The following PCDH11X variants were observed in gnomAD, a reference collection of about 807,000 sequenced individuals.
The protein encoded by PCDH11X is protocadherin 11 X-linked.
A neutral mutation model predicts 53.3 loss-of-function variants in PCDH11X; 18 were observed. That is an observed-to-expected ratio of 0.34 (90% CI 0.23 to 0.50). The LOEUF (loss-of-function observed/expected upper bound fraction) is 0.50. Among genes scored for constraint, PCDH11X ranks in the 20% least tolerant of loss-of-function variants. PCDH11X has a pLI of 0.98. For missense variants in PCDH11X, 570 were observed against 1,032.4 expected (o/e 0.55, Z 6.14); for synonymous variants, 279 against 393.3 (o/e 0.71, Z 3.44).
At chrX:91,837,429 G>A (rs1937344024) in intron 5 of PCDH11X, among the ~76,000 whole-genome samples, 1 of 111,359 alleles carries the variant, frequency 9.0e-6, no homozygotes, top group Admixed American at 9.6e-5. Flanking sequence ...GCACTTTGGG[G>A]TGAAGTTCCT....
At chrX:92,335,337 T>C (rs2069592272) in intron 8 of PCDH11X, among the ~76,000 whole-genome samples, 1 of 111,131 alleles carries the variant, frequency 9.0e-6, no homozygotes, top group South Asian at 3.8e-4. Flanking sequence ...GAGATTGCTT[T>C]TTTTATTTCA....
At chrX:92,309,139 T>A (rs1347237751) in intron 8 of PCDH11X, among the ~76,000 whole-genome samples, 1 of 112,077 alleles carries the variant, frequency 8.9e-6, no homozygotes, top group Non-Finnish European at 1.9e-5. Context: ...CACTTCTGGG[T>A]ATAAATGCTA....
intron 6 of PCDH11X, among the ~76,000 whole-genome samples, chrX:91,916,822 G>A (rs1941580264): frequency 9.1e-6 from 1 of 110,463 alleles, no homozygotes; most frequent in South Asian, 3.8e-4. Flanking sequence ...TCTATGAAGT[G>A]TCACCCTAAT....
At chrX:92,394,897 A>G (rs1374054139) in intron 9 of PCDH11X, among the ~76,000 whole-genome samples, 1 of 111,864 alleles carries the variant, frequency 8.9e-6, no homozygotes, top group South Asian at 3.7e-4. Flanking sequence ...TCATCAACAG[A>G]ACATTCAACA....
At chrX:92,384,353 G>A (rs1309738481) in intron 8 of PCDH11X, among the ~76,000 whole-genome samples, 2 of 110,827 alleles carry the variant, frequency 1.8e-5, no homozygotes, top group Non-Finnish European at 3.8e-5. Flanking sequence ...GATCCAACAA[G>A]CTATTGACAA....
intron 6 of PCDH11X, among the ~76,000 whole-genome samples, chrX:92,196,210 A>T (rs190531189): frequency 3.3e-3 from 373 of 111,987 alleles, no homozygotes; most frequent in Non-Finnish European, 5.7e-3. Context: ...GTCTCCACCT[A>T]AAAAAATTTC....
At chrX:92,319,252 T>C (rs1038797344) in intron 8 of PCDH11X, among the ~76,000 whole-genome samples, 9 of 112,037 alleles carry the variant, frequency 8.0e-5, no homozygotes, top group Non-Finnish European at 1.7e-4. Flanking sequence ...GGAATTCATC[T>C]TCCTCTATCA....
chrX:92,077,622 G>A (rs764916130), intron 6 of PCDH11X, among the ~76,000 whole-genome samples: 4,256 of 96,218 alleles, frequency 0.044, 242 homozygotes, highest in Middle Eastern at 0.097. Flanking sequence ...GGAAGGAAGG[G>A]AGGAAGGAAG....
chrX:92,481,469 C>T lies in PCDH11X; in HGVS notation c.3367+13147C>T, dbSNP rs1185852381. Among the ~76,000 whole-genome samples the T allele has an allele frequency of 7.2e-5, 8 of 110,763 alleles. No homozygotes were observed. In the South Asian group the frequency reaches 2.7e-3, roughly 38 times the overall value. ...CTAGTGCATGGCCATGGGCTTTGCT[C>T]TGCTGGAGCTCTCTGCCAGTGTGGT... On this transcript the variant is annotated intron_variant, in intron 10 of 10. Coordinates refer to ENST00000682573, the MANE Select transcript of PCDH11X (RefSeq NM_032968.5).
intron 4 of PCDH11X, among the ~76,000 whole-genome samples, chrX:91,832,193 T>G (rs899595278): frequency 3.9e-5 from 4 of 103,111 alleles, no homozygotes; most frequent in African/African-American, 1.4e-4. Context: ...CACACGCACA[T>G]GTATGTTTAT....
intron 6 of PCDH11X, among the ~76,000 whole-genome samples, chrX:92,086,035 A>T (rs2063944496): frequency 8.9e-6 from 1 of 112,040 alleles, no homozygotes; most frequent in African/African-American, 3.2e-5. Context: ...TGAATATTTT[A>T]GGCATATTGG....
intron 10 of PCDH11X, among the ~76,000 whole-genome samples, chrX:92,489,471 C>T (rs898044205): frequency 1.8e-4 from 20 of 110,109 alleles, no homozygotes; most frequent in Non-Finnish European, 3.6e-4. Context: ...TTTATTTATC[C>T]GTTATCTCTT....
intron 6 of PCDH11X, among the ~76,000 whole-genome samples, chrX:91,904,809 A>C (rs1271959236): frequency 1.8e-5 from 2 of 110,220 alleles, no homozygotes; most frequent in Non-Finnish European, 3.8e-5. Context: ...AACAAACTAT[A>C]ATGAACCTTC....
chrX:92,516,477 A>C (rs2074271239), intron 10 of PCDH11X, among the ~76,000 whole-genome samples: 1 of 112,122 alleles, frequency 8.9e-6, no homozygotes, highest in Admixed American at 9.5e-5. Flanking sequence ...TAACGGAAAA[A>C]AGTATTTTGA....
At chrX:92,272,256 T>C (rs2148428384) in intron 8 of PCDH11X, among the ~76,000 whole-genome samples, 1 of 112,106 alleles carries the variant, frequency 8.9e-6, no homozygotes, top group African/African-American at 3.2e-5. Flanking sequence ...CTCTGATTTA[T>C]AAATCTCATA....
At chrX:92,295,096 A>G (rs1188159408) in intron 8 of PCDH11X, among the ~76,000 whole-genome samples, 1 of 102,407 alleles carries the variant, frequency 9.8e-6, no homozygotes, top group African/African-American at 3.6e-5. Flanking sequence ...ACTGAAACCA[A>G]AAGTATTGAG....
At chrX:92,110,217 A>G (rs2064473766) in intron 6 of PCDH11X, among the ~76,000 whole-genome samples, 3 of 111,691 alleles carry the variant, frequency 2.7e-5, no homozygotes, top group South Asian at 7.4e-4. Context: ...TTTGTATTGT[A>G]TAGACTAAGT....
At chrX:91,935,351 T>A (rs1351415854) in intron 6 of PCDH11X, among the ~76,000 whole-genome samples, 1 of 107,205 alleles carries the variant, frequency 9.3e-6, no homozygotes, top group East Asian at 3.0e-4. Context: ...TATTTTCTTA[T>A]AATTTGTAAT....
In PCDH11X at chrX:91,785,291, C is replaced by T. The variant is rs1602797920; in HGVS notation, c.-379+5607C>T. Reference sequence around the variant, plus strand: ...GTTTAAATATTTTGAGAAGGGACCCCCCTCAGCAGACCCCCTCATCCCACA... The same window carrying T: ...GTTTAAATATTTTGAGAAGGGACCCTCCTCAGCAGACCCCCTCATCCCACA... On this transcript the variant is annotated intron_variant, in intron 1 of 10. Transcript: ENST00000682573. Among the ~76,000 whole-genome samples the T allele has an allele frequency of 2.8e-5, 3 of 105,629 alleles. No individual in the cohort carries two copies. The Middle Eastern group carries it at 0.015, about 520-fold the overall frequency. 91.7% of individuals were successfully genotyped at this position (105,629 alleles called of 115,157 possible).
Sources: gnomAD v4.1 joint callset for allele counts (sites outside exome capture counted in the v4.1 genomes callset) on GRCh38, gnomAD v4.1.1 for gene constraint, MANE v1.5 for transcripts, NCBI Gene and HGNC (gene_info 2026-07-23, HGNC 2026-07-21) for gene names.